Variants in DSN1 observed in about 807,000 individuals in gnomAD.
DSN1 encodes kinetochore-associated protein DSN1 homolog.
Under a neutral mutation model 45.7 loss-of-function variants are expected in DSN1, and 31 were observed. The observed-to-expected ratio is 0.68, with a 90% confidence interval of 0.51 to 0.92. The LOEUF (loss-of-function observed/expected upper bound fraction) is 0.92, where lower values mean the gene tolerates loss of function less well. Ranked by LOEUF, DSN1 falls within the 40% of genes least tolerant of loss-of-function variation. The pLI, the probability that DSN1 is intolerant of heterozygous loss-of-function variation, is 0.00. For missense variants in DSN1, 394 were observed against 414.2 expected, an observed-to-expected ratio of 0.95 and a Z score of 0.42; for synonymous variants, 134 against 142.3, an observed-to-expected ratio of 0.94 and a Z score of 0.41.
In DSN1 at chr20:36,752,023, TA is replaced by T. The variant is rs1986406657; in HGVS notation, c.*764del. The T allele has an allele frequency of 1.3e-5, 2 of 152,086 alleles. No individual in the cohort carries two copies. The highest frequency in any genetic ancestry group is 1.3e-4 in the Admixed American group (2 of 15,258). 9.4% of individuals were successfully genotyped at this position (152,086 alleles called of 1,614,324 possible). ...GACATATGTATCCCAATGATGCAAA[TA>T]ATGCTCAAAACTTTTTTTTTCATTT... On this transcript the variant is annotated 3_prime_UTR_variant, in exon 11 of 11. Coordinates refer to ENST00000373750, the MANE Select transcript of DSN1 (RefSeq NM_001145315.2).
Position 36,753,635 on chromosome 20 carries a change from CA to C in DSN1, c.962-739del, listed in dbSNP as rs1290145844. ...CCTGGGCAACAGAGCGAGACTGTCT[CA>C]AAAAAAAAAAAAAAAAAGAAAAAGA... is the stretch of plus-strand genomic sequence containing the variant. On this transcript the variant is annotated intron_variant, in intron 10 of 10. Transcript: ENST00000373750. Among the ~76,000 whole-genome samples, 256 of 49,888 alleles carry C rather than the reference CA, an allele frequency of 5.1e-3. 2 individuals are homozygous for C. The highest frequency in any genetic ancestry group is 0.012 in the Middle Eastern group (1 of 82). The allele number at this position is 49,888 out of a possible 152,430, so 32.7% of individuals were successfully genotyped here.
chr20:36,766,931 G>A, intron 4 of DSN1, 90 bp from the exon 5 acceptor site: 1 of 790,148 alleles, frequency 1.3e-6, no homozygotes, highest in Non-Finnish European at 2.0e-6. Flanking sequence ...TAATAAATAT[G>A]AAACTAAATA....
intron 5 of DSN1, among the ~76,000 whole-genome samples, chr20:36,763,259 C>G (rs1031450629): frequency 6.6e-6 from 1 of 151,466 alleles, no homozygotes; most frequent in Middle Eastern, 3.2e-3. Flanking sequence ...CAAAAATATA[C>G]CTGGGCGTGG....
chr20:36,752,303 CTCAGTCACCCAAA>C lies in DSN1; in HGVS notation c.*472_*484del, dbSNP rs1986421172. 1 of 152,480 alleles carries C rather than the reference CTCAGTCACCCAAA, an allele frequency of 6.6e-6. No individual in the cohort carries two copies. The highest frequency in any genetic ancestry group is 2.4e-5 in the African/African-American group (1 of 41,448). The allele number at this position is 152,480 out of a possible 1,614,324, so 9.4% of individuals were successfully genotyped here. ...TTCTGGGCTCAAGCAATCCACCCGC[CTCAGTCACCCAAA>C]ATGCTAGGATTACAGGCGTGAGCCA... On this transcript the variant is annotated 3_prime_UTR_variant, in exon 11 of 11. Transcript: ENST00000373750.
chr20:36,772,251 G>C (rs1164027074), intron 1 of DSN1, among the ~76,000 whole-genome samples: 5 of 150,180 alleles, frequency 3.3e-5, no homozygotes, highest in Non-Finnish European at 5.9e-5. Flanking sequence ...CTCTCCACTA[G>C]TTTTTCTACC....
At chr20:36,763,901 AAAAAAAAAAAG>A (rs1469984771) in intron 5 of DSN1, among the ~76,000 whole-genome samples, 21 of 149,282 alleles carry the variant, frequency 1.4e-4, no homozygotes, top group African/African-American at 5.2e-4. Flanking sequence ...AAAAAAAAAA[AAAAAAAAAAAG>A]AAAGACAGAA....
At chr20:36,771,783 C>G (rs1358127470) in intron 1 of DSN1, among the ~76,000 whole-genome samples, 5 of 152,242 alleles carry the variant, frequency 3.3e-5, no homozygotes, top group Admixed American at 6.5e-5. Context: ...ACTAGAAAAA[C>G]CACATCATCC....
chr20:36,769,930 CACACACACACAG>C (rs1298928267), intron 3 of DSN1, among the ~76,000 whole-genome samples: 17 of 129,396 alleles, frequency 1.3e-4, no homozygotes, highest in Admixed American at 4.3e-4. Context: ...CACACACACA[CACACACACACAG>C]AGAGAGAGAG....
intron 5 of DSN1, among the ~76,000 whole-genome samples, chr20:36,763,836 G>T (rs144159336): frequency 1.6e-5 from 2 of 128,990 alleles, no homozygotes; most frequent in Non-Finnish European, 3.1e-5. Flanking sequence ...GCAGTGAGCC[G>T]AGATTGCACC....
intron 8 of DSN1, among the ~76,000 whole-genome samples, chr20:36,757,863 G>A (rs1262737930): frequency 6.6e-6 from 1 of 152,226 alleles, no homozygotes; most frequent in Non-Finnish European, 1.5e-5. Context: ...ACACAGAACA[G>A]AAACAATTGT....
At position 36,771,153 on chromosome 20, in the gene DSN1, C is replaced by G. The variant is rs1987627522; in HGVS notation, c.75G>C (p.Leu25Phe). 6.2e-7 allele frequency: 1 copy of G among 1,613,662 alleles called. No homozygotes were observed. The highest frequency in any genetic ancestry group is 8.5e-7 in the Non-Finnish European group (1 of 1,179,780). ...CTTCCACAGGACTGAGACTTGATTC[C>G]AATTGATGATCATGAGTCTTAGACA... is the stretch of plus-strand genomic sequence containing the variant. ...PVMSKTHDHQLESSLSPVEVF... is the reference protein window; with the variant it reads ...PVMSKTHDHQFESSLSPVEVF... The change falls in exon 3 of 11, where the codon TTG becomes TTC. Residue 25 changes from leucine (L) to phenylalanine (F), a missense_variant. Coordinates refer to ENST00000373750, the MANE Select transcript of DSN1 (RefSeq NM_001145315.2).
At position 36,772,822 on chromosome 20, in the gene DSN1, C is replaced by A. The variant is rs1018728304; in HGVS notation, c.-16+840G>T. The stretch of plus-strand genomic sequence containing the variant: ...ATCTTTGGCAGAGTTGGTGGTTATG[C>A]CCCTTGGCCTTCGTAGCATTGGCTA... On this transcript the variant is annotated intron_variant, in intron 1 of 10. Transcript: ENST00000373750. Among the ~76,000 whole-genome samples the A allele has an allele frequency of 2.0e-5, 3 of 152,334 alleles. No individual in the cohort carries two copies. The East Asian group carries it at 5.8e-4, about 29-fold the overall frequency.
chr20:36,761,370 A>C lies in DSN1; in HGVS notation c.590+1091T>G, dbSNP rs369913812. On this transcript the variant is annotated intron_variant, in intron 6 of 10. Coordinates refer to ENST00000373750, the MANE Select transcript of DSN1 (RefSeq NM_001145315.2). ...ATTTGTTTATTGTGTCTTCTATTAT[A>C]ATGTATGACAAAAGAGACCTTGCTT... is the stretch of plus-strand genomic sequence containing the variant. 7.2e-5 allele frequency among the ~76,000 whole-genome samples: 11 copies of C among 152,318 alleles called. No individual in the cohort carries two copies. In the South Asian group the frequency reaches 2.3e-3, roughly 32 times the overall value.
intron 5 of DSN1, among the ~76,000 whole-genome samples, chr20:36,763,533 A>G (rs562571536): frequency 6.6e-6 from 1 of 151,608 alleles, no homozygotes; most frequent in Admixed American, 6.6e-5. Context: ...GCTACTTAGG[A>G]GGATTGCTTG....
chr20:36,769,902 T>TACACACACACACACACAC (rs66970744), intron 3 of DSN1, among the ~76,000 whole-genome samples: 6 of 117,268 alleles, frequency 5.1e-5, no homozygotes, highest in African/African-American at 2.2e-4. Context: ...TCACTGTAGA[T>TACACACACACACACACAC]ACACACACAC....
chr20:36,762,616 A>T (rs748726699), intron 5 of DSN1, 68 bp from the exon 6 acceptor site: 3 of 1,372,374 alleles, frequency 2.2e-6, no homozygotes, highest in Non-Finnish European at 3.0e-6. Flanking sequence ...GATGCTGACA[A>T]AGGTATATTA....
At chr20:36,761,849 A>G (rs1056835834) in intron 6 of DSN1, among the ~76,000 whole-genome samples, 5 of 150,684 alleles carry the variant, frequency 3.3e-5, no homozygotes, top group African/African-American at 1.2e-4. Context: ...CCTACTAAAA[A>G]TACAAAAAAA....
At chr20:36,768,086 T>C (rs750266501) in intron 3 of DSN1, 44 bp from the exon 4 acceptor site, 6 of 1,596,396 alleles carry the variant, frequency 3.8e-6, no homozygotes, top group South Asian at 2.2e-5. Flanking sequence ...GATAGTTACA[T>C]AGTTAGCAAC....
At chr20:36,755,546 C>T in intron 9 of DSN1, 136 bp downstream of exon 9, 7 of 1,023,132 alleles carry the variant, frequency 6.8e-6, no homozygotes, top group Non-Finnish European at 9.7e-6. Context: ...TTAATTGTCT[C>T]TCCATGTTTT....
Sources: gnomAD v4.1 joint callset for allele counts (sites outside exome capture counted in the v4.1 genomes callset) on GRCh38, gnomAD v4.1.1 for gene constraint, MANE v1.5 for transcripts, NCBI Gene and HGNC (gene_info 2026-07-23, HGNC 2026-07-21) for gene names.